Variants in SYCE1L observed in about 807,000 individuals in gnomAD.
SYCE1L encodes the protein synaptonemal complex central element protein 1-like.
SYCE1L carries 51 observed loss-of-function variants against 39.6 expected under a neutral mutation model. The observed-to-expected ratio is 1.29, with a 90% CI of 1.03 to 1.63. SYCE1L has a LOEUF of 1.63. SYCE1L is among the 40% of genes most tolerant of loss of function. The pLI is 0.00. For missense variants in SYCE1L, 426 were observed against 304.9 expected (o/e 1.40, Z -2.96); for synonymous variants, 147 against 122.4 (o/e 1.20, Z -1.33).
At chr16:77,208,699 T>C (rs1392286625) in intron 4 of SYCE1L, among the ~76,000 whole-genome samples, 160 bp downstream of exon 4, 1 of 152,158 alleles carries the variant, frequency 6.6e-6, no homozygotes, top group Non-Finnish European at 1.5e-5. Context: ...TCAGCTCAAA[T>C]TTCACCCTGA....
chr16:77,209,054 C>T (rs571297101), intron 4 of SYCE1L, 43 bp from the exon 5 acceptor site: 1 of 1,548,338 alleles, frequency 6.5e-7, no homozygotes, highest in African/African-American at 1.4e-5. Flanking sequence ...CTGGGGATGG[C>T]AATGGGGTGC....
chr16:77,209,321 C>T, intron 5 of SYCE1L, 96 bp from the exon 6 acceptor site: 3 of 1,404,822 alleles, frequency 2.1e-6, no homozygotes, highest in Non-Finnish European at 3.0e-6. Flanking sequence ...CCTCACAGTG[C>T]CCTCCAATGC....
intron 1 of SYCE1L, chr16:77,200,273 T>TATATATATATA: frequency 1.1e-5 from 1 of 90,422 alleles, no homozygotes; most frequent in Non-Finnish European, 2.5e-5. Context: ...TATATATATG[T>TATATATATATA]GTATATATAT....
At chr16:77,209,245 G>C (rs1415080567) in intron 5 of SYCE1L, 101 bp downstream of exon 5, 10 of 1,425,154 alleles carry the variant, frequency 7.0e-6, no homozygotes, top group Non-Finnish European at 9.7e-6. Context: ...ACCTAAGGCA[G>C]GGTGCTTCCC....
intron 1 of SYCE1L, chr16:77,201,655 G>A (rs2054744440): frequency 6.6e-6 from 1 of 152,176 alleles, no homozygotes; most frequent in African/African-American, 2.4e-5. Flanking sequence ...GGTCACTGGA[G>A]TGTTGATGTA....
In SYCE1L at chr16:77,203,039, A is replaced by G. The variant is rs77234355; in HGVS notation, c.62-3402A>G. ...AAAAATCTCAGGCAGGGACATGCCA[A>G]CTTGTTCAAAGTGATTGTATCAGGG... On this transcript the variant is annotated intron_variant, in intron 1 of 10. Coordinates refer to ENST00000378644, the MANE Select transcript of SYCE1L (RefSeq NM_001129979.3). 3.7e-3 allele frequency among the ~76,000 whole-genome samples: 569 copies of G among 152,342 alleles called. 3 individuals are homozygous for G. Among genetic ancestry groups the G allele is most frequent in the African/African-American group, 0.013 (549 of 41,572 alleles).
chr16:77,205,939 G>T (rs112781971), intron 1 of SYCE1L, among the ~76,000 whole-genome samples: 1 of 152,180 alleles, frequency 6.6e-6, no homozygotes, highest in African/African-American at 2.4e-5. Context: ...AGCTGGAGCT[G>T]CAGGGTATAA....
At chr16:77,205,133 T>G (rs1281030154) in intron 1 of SYCE1L, among the ~76,000 whole-genome samples, 1 of 151,718 alleles carries the variant, frequency 6.6e-6, no homozygotes, top group Non-Finnish European at 1.5e-5. Context: ...ACACATAGCT[T>G]GTAATGCTAG....
At chr16:77,204,764 G>T (rs902490124) in intron 1 of SYCE1L, among the ~76,000 whole-genome samples, 1 of 152,116 alleles carries the variant, frequency 6.6e-6, no homozygotes, top group Non-Finnish European at 1.5e-5. Context: ...GTGGGATGTG[G>T]CCGGCTGCGG....
chr16:77,205,595 T>C (rs530473123), intron 1 of SYCE1L, among the ~76,000 whole-genome samples: 77 of 152,286 alleles, frequency 5.1e-4, no homozygotes, highest in African/African-American at 1.7e-3. Context: ...TACAACTTAT[T>C]TGTGGAAGAA....
intron 1 of SYCE1L, among the ~76,000 whole-genome samples, chr16:77,206,101 C>G (rs866561907): frequency 2.6e-5 from 4 of 152,218 alleles, no homozygotes; most frequent in African/African-American, 4.8e-5. Context: ...TCTTCCTGCC[C>G]TATTGTTCTG....
At chr16:77,203,704 C>G (rs572036717) in intron 1 of SYCE1L, among the ~76,000 whole-genome samples, 1 of 149,526 alleles carries the variant, frequency 6.7e-6, no homozygotes, top group African/African-American at 2.5e-5. Flanking sequence ...TAGTGATTCT[C>G]CTGCCTCAGC....
intron 1 of SYCE1L, 26 bp downstream of exon 1, chr16:77,199,538 C>G: frequency 6.5e-7 from 1 of 1,526,740 alleles, no homozygotes; most frequent in East Asian, 2.5e-5. Flanking sequence ...GGGCTGCACT[C>G]CTTTCTCTCC....
chr16:77,206,676 A>G (rs144885639), intron 2 of SYCE1L, among the ~76,000 whole-genome samples, 176 bp downstream of exon 2: 2,894 of 152,250 alleles, frequency 0.019, 58 homozygotes, highest in Non-Finnish European at 0.03. Context: ...AAATTCAAGA[A>G]GTTTAAAGGA....
At chr16:77,200,409 G>A (rs566165737) in intron 1 of SYCE1L, 1 of 151,366 alleles carries the variant, frequency 6.6e-6, no homozygotes, top group East Asian at 1.9e-4. Flanking sequence ...CCGAGATCAT[G>A]TCACTGCACT....
intron 6 of SYCE1L, 30 bp downstream of exon 6, chr16:77,209,501 C>G (rs1282976521): frequency 7.1e-6 from 11 of 1,551,048 alleles, no homozygotes; most frequent in Admixed American, 2.0e-5. Flanking sequence ...CTCTTCCCTA[C>G]CTCATTCCCC....
At chr16:77,201,060 G>A (rs938674336) in intron 1 of SYCE1L, 3 of 152,136 alleles carry the variant, frequency 2.0e-5, no homozygotes, top group African/African-American at 4.8e-5. Context: ...CTTATTGCCT[G>A]ACCTAGGATG....
intron 2 of SYCE1L, among the ~76,000 whole-genome samples, chr16:77,207,923 A>G (rs912177213): frequency 1.3e-5 from 2 of 151,872 alleles, no homozygotes; most frequent in African/African-American, 4.8e-5. Flanking sequence ...GCCTTTGCAT[A>G]TCCCCAGACA....
intron 1 of SYCE1L, 96 bp downstream of exon 1, chr16:77,199,608 A>G: frequency 3.9e-6 from 4 of 1,023,600 alleles, no homozygotes; most frequent in Non-Finnish European, 5.7e-6. Flanking sequence ...ATGATATTCT[A>G]ATTTTTTTAA....
Sources: gnomAD v4.1 joint callset for allele counts (sites outside exome capture counted in the v4.1 genomes callset) on GRCh38, gnomAD v4.1.1 for gene constraint, MANE v1.5 for transcripts, NCBI Gene and HGNC (gene_info 2026-07-23, HGNC 2026-07-21) for gene names.